The following SFMBT1 variants were observed in gnomAD, a reference collection of about 807,000 sequenced individuals.
The protein encoded by SFMBT1 is scm-like with four MBT domains protein 1.
SFMBT1 carries 32 observed loss-of-function variants against 108.7 expected under a neutral mutation model. The ratio of observed to expected loss-of-function variants is 0.29; its 90% CI spans 0.22 to 0.40. SFMBT1 has a LOEUF of 0.40. Among genes scored for constraint, SFMBT1 ranks in the 10% least tolerant of loss-of-function variants. The pLI is 1.00. For synonymous variants in SFMBT1, 348 were observed against 369.5 expected, an observed-to-expected ratio of 0.94 and a Z score of 0.67; for missense variants, 816 against 1,059.6, an observed-to-expected ratio of 0.77 and a Z score of 3.19.
At chr3:52,973,812 A>G (rs1184522136) in intron 1 of SFMBT1, among the ~76,000 whole-genome samples, 1 of 152,116 alleles carries the variant, frequency 6.6e-6, no homozygotes, top group Non-Finnish European at 1.5e-5. Context: ...GTATTGTGGT[A>G]GAGACCACGT....
In SFMBT1 at chr3:52,963,392, G is replaced by A. The variant is rs540166157; in HGVS notation, c.28+5709C>T. 7.2e-5 allele frequency among the ~76,000 whole-genome samples: 11 copies of A among 152,138 alleles called. No homozygotes were observed. The South Asian group carries it at 2.1e-3, about 29-fold the overall frequency. On this transcript the variant is annotated intron_variant, in intron 2 of 20. Transcript: ENST00000394752. ...AAATTTCAAATAAACTGAAACACAT[G>A]AGCTAACTGTTGGTGGGAAAACCAC... is the stretch of plus-strand genomic sequence containing the variant.
At chr3:52,989,750 C>T (rs1705056126) in intron 1 of SFMBT1, among the ~76,000 whole-genome samples, 1 of 149,458 alleles carries the variant, frequency 6.7e-6, no homozygotes, top group Admixed American at 6.7e-5. Flanking sequence ...GCCAAGGTCA[C>T]GCCACTGCAC....
chr3:52,986,145 GAAA>G (rs34923532), intron 1 of SFMBT1, among the ~76,000 whole-genome samples: 3 of 130,190 alleles, frequency 2.3e-5, no homozygotes, highest in African/African-American at 2.9e-5. Context: ...TCCGTCTCAG[GAAA>G]AAAAAAAAAA....
intron 1 of SFMBT1, among the ~76,000 whole-genome samples, chr3:52,985,065 T>C (rs1315077940): frequency 6.6e-6 from 1 of 152,188 alleles, no homozygotes; most frequent in Non-Finnish European, 1.5e-5. Flanking sequence ...AGAGTTCAAA[T>C]ATGATTACAT....
intron 1 of SFMBT1, chr3:53,045,072 AG>A (rs1326745852): frequency 6.6e-6 from 1 of 152,112 alleles, no homozygotes; most frequent in Non-Finnish European, 1.5e-5. Context: ...ATCGGACTTT[AG>A]GAACAGAAAT....
intron 1 of SFMBT1, among the ~76,000 whole-genome samples, chr3:52,996,668 C>T (rs530321110): frequency 6.7e-6 from 1 of 150,344 alleles, no homozygotes; most frequent in East Asian, 1.9e-4. Flanking sequence ...GGCTAAAATA[C>T]GAACAATAGG....
intron 1 of SFMBT1, among the ~76,000 whole-genome samples, chr3:53,025,019 A>T (rs1210509476): frequency 6.6e-6 from 1 of 152,120 alleles, no homozygotes; most frequent in Non-Finnish European, 1.5e-5. Context: ...ACTAATTTAT[A>T]ACATGCCAGG....
At chr3:52,970,361 G>A (rs1307933018) in intron 1 of SFMBT1, among the ~76,000 whole-genome samples, 2 of 152,042 alleles carry the variant, frequency 1.3e-5, no homozygotes, top group African/African-American at 4.8e-5. Flanking sequence ...TCACATAAAT[G>A]GAACCATATG....
chr3:52,916,273 G>A (rs1182811516), intron 13 of SFMBT1, 59 bp from the exon 14 acceptor site: 3 of 1,484,330 alleles, frequency 2.0e-6, no homozygotes, highest in Non-Finnish European at 2.8e-6. Flanking sequence ...TAAAGTGTGA[G>A]GCTTAGTTTC....
At chr3:53,011,705 T>G (rs980017379) in intron 1 of SFMBT1, among the ~76,000 whole-genome samples, 6 of 152,152 alleles carry the variant, frequency 3.9e-5, no homozygotes, top group African/African-American at 1.4e-4. Flanking sequence ...AAATAAATAC[T>G]GGTGCCACTG....
At chr3:52,969,073 G>A (rs762718133) in intron 2 of SFMBT1, 28 bp downstream of exon 2, 1 of 1,612,744 alleles carries the variant, frequency 6.2e-7, no homozygotes, top group Non-Finnish European at 8.5e-7. Flanking sequence ...GCATCCTAGA[G>A]AATAAATTCT....
intron 2 of SFMBT1, among the ~76,000 whole-genome samples, chr3:52,962,868 CAT>C (rs1194571170): frequency 6.8e-6 from 1 of 147,348 alleles, no homozygotes; most frequent in East Asian, 2.0e-4. Context: ...TATACACTCA[CAT>C]ATATTAGTTT....
chr3:53,006,606 G>A (rs1182465551), intron 1 of SFMBT1, among the ~76,000 whole-genome samples: 1 of 142,432 alleles, frequency 7.0e-6, no homozygotes, highest in Non-Finnish European at 1.5e-5. Flanking sequence ...TCCAGCCTGG[G>A]CGACAGAGCA....
At chr3:53,040,842 G>A (rs1029210620) in intron 1 of SFMBT1, among the ~76,000 whole-genome samples, 5 of 148,418 alleles carry the variant, frequency 3.4e-5, no homozygotes, top group African/African-American at 1.2e-4. Context: ...ACAGGGTCTC[G>A]CTATGTCACC....
At chr3:53,022,585 G>T (rs1699352704) in intron 1 of SFMBT1, among the ~76,000 whole-genome samples, 1 of 151,578 alleles carries the variant, frequency 6.6e-6, no homozygotes, top group African/African-American at 2.4e-5. Context: ...TCTTTAAAAT[G>T]AAGGCGATTC....
intron 1 of SFMBT1, among the ~76,000 whole-genome samples, chr3:53,040,967 AAT>A (rs1700025308): frequency 1.4e-5 from 1 of 72,834 alleles, no homozygotes; most frequent in Non-Finnish European, 3.0e-5. Flanking sequence ...AAGACACCTG[AAT>A]TTTTTTTTTT....
In SFMBT1 at chr3:52,926,049, G is replaced by A. The variant is rs752989266; in HGVS notation, c.1113C>T (p.Pro371=). ...YLKQCGAEAA[P]QRCFPPLISE... is the part of the protein sequence containing the mutation. ...TCCTCACCGGAGGGAAGCACCTCTG[G>A]GGAGCAGCTTCAGCACCACACTGTT... The change falls in exon 10 of 21, where the codon CCC becomes CCT. Residue 371 remains proline, a synonymous_variant. Coordinates refer to ENST00000394752, the MANE Select transcript of SFMBT1 (RefSeq NM_016329.4). The A allele has an allele frequency of 1.0e-5, 16 of 1,606,670 alleles. No homozygotes were observed. The highest frequency in any genetic ancestry group is 1.4e-5 in the Non-Finnish European group (16 of 1,177,178).
chr3:52,994,477 ACAC>A (rs996033439), intron 1 of SFMBT1, among the ~76,000 whole-genome samples: 4 of 150,562 alleles, frequency 2.7e-5, no homozygotes, highest in Admixed American at 6.7e-5. Context: ...GAGCTTCTAA[ACAC>A]CACAGAGAAG....
At chr3:53,038,597 G>A (rs1172216825) in intron 1 of SFMBT1, among the ~76,000 whole-genome samples, 1 of 152,184 alleles carries the variant, frequency 6.6e-6, no homozygotes, top group Non-Finnish European at 1.5e-5. Flanking sequence ...TAACCATTCT[G>A]AAAGTACATA....
Sources: gnomAD v4.1 joint callset for allele counts (sites outside exome capture counted in the v4.1 genomes callset) on GRCh38, gnomAD v4.1.1 for gene constraint, MANE v1.5 for transcripts, NCBI Gene and HGNC (gene_info 2026-07-23, HGNC 2026-07-21) for gene names.